SYNPR: variants seen among roughly 807,000 people sequenced by gnomAD.
SYNPR encodes synaptoporin.
A neutral mutation model predicts 32.9 loss-of-function variants in SYNPR; 23 were observed. The ratio of observed to expected loss-of-function variants is 0.70; its 90% CI spans 0.50 to 0.99. The LOEUF (loss-of-function observed/expected upper bound fraction) is 0.99, where lower values mean the gene tolerates loss of function less well. Among genes scored for constraint, SYNPR ranks in the 50% least tolerant of loss-of-function variants. The pLI, the probability that SYNPR is intolerant of heterozygous loss-of-function variation, is 0.00. For synonymous variants in SYNPR, 146 were observed against 135.9 expected (o/e 1.07, Z -0.52); for missense variants, 318 against 349.3 (o/e 0.91, Z 0.71).
chr3:63,359,004 T>A (rs1304016260), intron 2 of SYNPR, among the ~76,000 whole-genome samples: 6 of 152,174 alleles, frequency 3.9e-5, no homozygotes, highest in African/African-American at 1.4e-4. Flanking sequence ...CAATTAATAG[T>A]CTTCCATTAT....
intron 2 of SYNPR, among the ~76,000 whole-genome samples, chr3:63,347,913 GTGTGTA>G (rs2087458247): frequency 8.0e-6 from 1 of 125,128 alleles, no homozygotes; most frequent in African/African-American, 3.3e-5. Context: ...GTGTGTGTGT[GTGTGTA>G]TGTATATATC....
At chr3:63,480,232 G>A (rs925327415) in intron 2 of SYNPR, among the ~76,000 whole-genome samples, 2 of 152,110 alleles carry the variant, frequency 1.3e-5, no homozygotes, top group Admixed American at 6.5e-5. Flanking sequence ...CTTAGAAACA[G>A]CAACCAACAC....
chr3:63,428,388 A>G (rs929748300), intron 2 of SYNPR, among the ~76,000 whole-genome samples: 2 of 152,252 alleles, frequency 1.3e-5, no homozygotes, highest in African/African-American at 4.8e-5. Context: ...CAACTTGGGG[A>G]AATATTAAAA....
intron 2 of SYNPR, among the ~76,000 whole-genome samples, chr3:63,405,229 C>T (rs1575627402): frequency 6.6e-6 from 1 of 152,164 alleles, no homozygotes; most frequent in Non-Finnish European, 1.5e-5. Flanking sequence ...TGGAAAGGGG[C>T]TTCAGAATTC....
rs142677066 is a variant in SYNPR, at chr3:63,577,403, C to A, written c.408+20662C>A. Among the ~76,000 whole-genome samples, 1,279 of 152,092 alleles carry A rather than the reference C, an allele frequency of 8.4e-3. 11 individuals are homozygous for A. Among genetic ancestry groups the A allele is most frequent in the Admixed American group, 0.013 (205 of 15,252 alleles). On this transcript the variant is annotated intron_variant, in intron 4 of 5. Transcript: ENST00000478300. ...ACCAAGACCCACATGGAGAGGAAAG[C>A]CAATAGCTATATATGAAGAAAGGAC...
intron 2 of SYNPR, among the ~76,000 whole-genome samples, chr3:63,318,136 T>C (rs1575596617): frequency 6.6e-6 from 1 of 152,080 alleles, no homozygotes; most frequent in African/African-American, 2.4e-5. Context: ...GTTAATCTGA[T>C]AGGTTTTCCT....
At chr3:63,288,504 T>C (rs905922504) in intron 2 of SYNPR, among the ~76,000 whole-genome samples, 5 of 152,240 alleles carry the variant, frequency 3.3e-5, no homozygotes, top group African/African-American at 1.2e-4. Flanking sequence ...ACTGATAATA[T>C]TATCCAAAGA....
At chr3:63,265,241 C>CTTTTTTTTTTT (rs71126590) in intron 2 of SYNPR, among the ~76,000 whole-genome samples, 1,150 of 102,062 alleles carry the variant, frequency 0.011, 169 homozygotes, top group Non-Finnish European at 0.015. Flanking sequence ...TAATGACATT[C>CTTTTTTTTTTT]TTTTTTTTTT....
intron 2 of SYNPR, among the ~76,000 whole-genome samples, chr3:63,440,676 G>T (rs1008578896): frequency 6.6e-6 from 1 of 152,154 alleles, no homozygotes; most frequent in African/African-American, 2.4e-5. Context: ...AGTGAAAGTT[G>T]ACCCAGAAAG....
At chr3:63,535,946 C>A (rs968624005) in intron 3 of SYNPR, among the ~76,000 whole-genome samples, 2 of 151,998 alleles carry the variant, frequency 1.3e-5, no homozygotes. Flanking sequence ...GATTTCATCA[C>A]AAATTTTAAA....
At chr3:63,337,035 C>G (rs1042911017) in intron 2 of SYNPR, among the ~76,000 whole-genome samples, 12 of 151,854 alleles carry the variant, frequency 7.9e-5, no homozygotes, top group African/African-American at 2.9e-4. Flanking sequence ...AGTTCGAGAC[C>G]AGCCTGGCCA....
chr3:63,314,816 G>C (rs1042324184), intron 2 of SYNPR, among the ~76,000 whole-genome samples: 39 of 151,958 alleles, frequency 2.6e-4, no homozygotes, highest in African/African-American at 9.4e-4. Flanking sequence ...ATGTGTAGAA[G>C]GGTTTTTCCA....
At chr3:63,289,915 G>A (rs1280254199) in intron 2 of SYNPR, among the ~76,000 whole-genome samples, 4 of 152,052 alleles carry the variant, frequency 2.6e-5, no homozygotes, top group Admixed American at 6.6e-5. Flanking sequence ...CGGATCACAA[G>A]GTCAAGAGAT....
rs912070689 is a variant in SYNPR at position 63,546,045 on chromosome 3, G to A, written c.210-10498G>A. On this transcript the variant is annotated intron_variant, in intron 3 of 5. Coordinates refer to ENST00000478300, the MANE Select transcript of SYNPR (RefSeq NM_001130003.2). ...CTGTTTTTGTTTCACAATTCACTTGGGTAGAGTACCACAGCTCAGGGAAAG... is the reference window on the plus strand; with the variant it reads ...CTGTTTTTGTTTCACAATTCACTTGAGTAGAGTACCACAGCTCAGGGAAAG... Among the ~76,000 whole-genome samples, 10 of 151,950 alleles carry A rather than the reference G, an allele frequency of 6.6e-5. No individual in the cohort carries two copies. In the East Asian group the frequency reaches 1.9e-3, roughly 29 times the overall value.
chr3:63,448,797 AT>A (rs1700327035), intron 2 of SYNPR, among the ~76,000 whole-genome samples: 1 of 152,138 alleles, frequency 6.6e-6, no homozygotes, highest in South Asian at 2.1e-4. Flanking sequence ...TCATTTTTCC[AT>A]TTTCTCACCT....
intron 3 of SYNPR, among the ~76,000 whole-genome samples, chr3:63,491,772 C>T (rs1020985032): frequency 6.6e-5 from 10 of 152,138 alleles, no homozygotes; most frequent in African/African-American, 2.2e-4. Flanking sequence ...CTGCCTCCCT[C>T]GGCCTCCCGA....
At chr3:63,311,197 T>C (rs1560187722) in intron 2 of SYNPR, among the ~76,000 whole-genome samples, 1 of 151,946 alleles carries the variant, frequency 6.6e-6, no homozygotes, top group Non-Finnish European at 1.5e-5. Flanking sequence ...TAAAAACAAA[T>C]GAGATGTAAT....
chr3:63,251,082 C>T (rs1371974502), intron 1 of SYNPR, among the ~76,000 whole-genome samples: 1 of 151,994 alleles, frequency 6.6e-6, no homozygotes, highest in East Asian at 1.9e-4. Context: ...TTTTATTTCA[C>T]ATATTTTGAA....
At chr3:63,211,352 C>T in the SYNPR span, among the ~76,000 whole-genome samples, 1 of 152,206 alleles carries the variant, frequency 6.6e-6, no homozygotes, top group Admixed American at 6.5e-5. Context: ...CAGGCATGAG[C>T]CACCGTGCCC....
Sources: allele counts gnomAD v4.1 joint callset (sites outside exome capture counted in the v4.1 genomes callset), GRCh38; gene constraint gnomAD v4.1.1; transcripts MANE v1.5; gene names NCBI Gene and HGNC (gene_info 2026-07-23, HGNC 2026-07-21).